Variants in LRRC37B observed in about 807,000 individuals in gnomAD.
LRRC37B encodes leucine-rich repeat-containing protein 37B.
Under a neutral mutation model 98.3 loss-of-function variants are expected in LRRC37B, and 28 were observed. That is an observed-to-expected ratio of 0.28 (90% CI 0.21 to 0.39). The LOEUF is 0.39. Ranked by LOEUF, LRRC37B falls within the 10% of genes least tolerant of loss-of-function variation. The probability of loss-of-function intolerance (pLI) is 1.00; values close to 1 mark genes in which losing one functional copy is unlikely to be tolerated. For missense variants in LRRC37B, 938 were observed against 1,182.7 expected (o/e 0.79, Z 3.03); for synonymous variants, 364 against 442.7 (o/e 0.82, Z 2.23).
rs199978808 is a variant in LRRC37B at position 32,021,319 on chromosome 17, A to C, written c.254A>C (p.Glu85Ala). Reference sequence around the variant, plus strand: ...TCCCGCTCCTCCCATCTCCCATGGGAATCTCCCCATGCACCTGCTCCCCCA... The same window carrying C: ...TCCCGCTCCTCCCATCTCCCATGGGCATCTCCCCATGCACCTGCTCCCCCA... The change falls in exon 1 of 12, where the codon GAA becomes GCA. Residue 85 changes from glutamate to alanine, a missense_variant. Physicochemically the swap from Glu to Ala is moderately radical, Grantham distance 107 (BLOSUM62 -1). Transcript: ENST00000327564. 2.9e-4 allele frequency: 476 copies of C among 1,613,738 alleles called. 1 individual carries two copies. The highest frequency in any genetic ancestry group is 3.4e-4 in the Non-Finnish European group (402 of 1,179,920).
intron 1 of LRRC37B, among the ~76,000 whole-genome samples, chr17:32,015,023 T>C (rs1383808810): frequency 6.6e-6 from 1 of 151,966 alleles, no homozygotes; most frequent in Non-Finnish European, 1.5e-5. Flanking sequence ...TCCCAGCTAC[T>C]TGGGAGTGAG....
upstream of LRRC37B, among the ~76,000 whole-genome samples, chr17:32,019,570 A>C (rs1350080733): frequency 3.3e-5 from 5 of 151,984 alleles, no homozygotes; most frequent in African/African-American, 1.2e-4. Context: ...CTATTTATGG[A>C]TTTTTTTTTA....
At chr17:32,023,525 C>A (rs1324192410) in intron 1 of LRRC37B, among the ~76,000 whole-genome samples, 3 of 152,168 alleles carry the variant, frequency 2.0e-5, no homozygotes, top group African/African-American at 7.2e-5. Context: ...GGGTTTGAAC[C>A]CAGGTCTGTT....
At chr17:32,017,585 A>G (rs902528691), upstream of LRRC37B, among the ~76,000 whole-genome samples, 2 of 152,164 alleles carry the variant, frequency 1.3e-5, no homozygotes, top group Non-Finnish European at 2.9e-5. Flanking sequence ...CAGAAGGATC[A>G]CTTCAAGCTA....
chr17:32,049,139 G>A, exon 10 of LRRC37B: 1 of 1,613,852 alleles, frequency 6.2e-7, no homozygotes, highest in Non-Finnish European at 8.5e-7. Flanking sequence ...AGCAGCTACG[G>A]TCCCTCATCC....
intron 5 of LRRC37B, among the ~76,000 whole-genome samples, chr17:32,032,220 T>TGG (rs1373092314): frequency 1.5e-4 from 22 of 150,288 alleles, no homozygotes; most frequent in Admixed American, 1.3e-4. Flanking sequence ...TGAGCCGAGA[T>TGG]TGTGCCACTG....
At chr17:32,008,729 GTGTT>G (rs1477842213) in intron 1 of LRRC37B, among the ~76,000 whole-genome samples, 2 of 152,206 alleles carry the variant, frequency 1.3e-5, no homozygotes, top group Admixed American at 1.3e-4. Context: ...CTGGTCCTGT[GTGTT>G]TGTTTTTATT....
exon 1 of LRRC37B, chr17:32,022,122 G>C: frequency 6.2e-7 from 1 of 1,613,906 alleles, no homozygotes; most frequent in Non-Finnish European, 8.5e-7. Context: ...TGAAGTGACA[G>C]TTCAACCTCC....
intron 7 of LRRC37B, chr17:32,039,950 T>A (rs1052382359): frequency 6.6e-6 from 1 of 152,152 alleles, no homozygotes; most frequent in African/African-American, 2.4e-5. Context: ...TCTCACTTAG[T>A]TCTCTAAGAT....
chr17:32,019,080 C>A (rs545966588), upstream of LRRC37B, among the ~76,000 whole-genome samples: 2 of 152,270 alleles, frequency 1.3e-5, no homozygotes, highest in South Asian at 2.1e-4. Flanking sequence ...GCACGCACCA[C>A]CATACTCAGC....
intron 7 of LRRC37B, chr17:32,039,883 T>C (rs1461241855): frequency 2.0e-5 from 3 of 152,090 alleles, no homozygotes. Flanking sequence ...CTACAGCATC[T>C]TCCCTGTAAG....
At chr17:32,027,905 A>C in intron 3 of LRRC37B, 65 bp downstream of exon 6, 1 of 1,015,064 alleles carries the variant, frequency 9.9e-7, no homozygotes, top group Non-Finnish European at 1.5e-6. Context: ...TAAGAGGTTC[A>C]AATTAGATAA....
intron 2 of LRRC37B, among the ~76,000 whole-genome samples, chr17:32,027,349 TTG>T (rs985580346): frequency 1.3e-5 from 2 of 150,062 alleles, no homozygotes; most frequent in East Asian, 2.0e-4. Context: ...GTGTGCTTGC[TTG>T]TGTGTGTGTG....
chr17:32,021,267 C>T, exon 1 of LRRC37B: 1 of 1,613,090 alleles, frequency 6.2e-7, no homozygotes, highest in Non-Finnish European at 8.5e-7. Flanking sequence ...GACCTCTAAC[C>T]CCCTGGGGCC....
chr17:32,049,744 G>A (rs1203197520), intron 10 of LRRC37B, among the ~76,000 whole-genome samples: 1 of 152,156 alleles, frequency 6.6e-6, no homozygotes, highest in Non-Finnish European at 1.5e-5. Flanking sequence ...ACACGTGCCT[G>A]TAGCCCCAGC....
upstream of LRRC37B, among the ~76,000 whole-genome samples, chr17:32,018,969 C>T (rs1270780686): frequency 3.9e-5 from 6 of 152,142 alleles, no homozygotes; most frequent in Non-Finnish European, 8.8e-5. Context: ...CTCTGTGGCC[C>T]AGGCTGGAGT....
chr17:32,040,547 T>C, intron 7 of LRRC37B: 2 of 747,566 alleles, frequency 2.7e-6, no homozygotes, highest in South Asian at 2.8e-5. Context: ...GAGATGGAGA[T>C]GTCATCAGCA....
exon 1 of LRRC37B, chr17:32,008,037 A>C (rs532830927): frequency 3.9e-6 from 2 of 518,646 alleles, no homozygotes; most frequent in Non-Finnish European, 7.4e-6. Context: ...GATGACATGG[A>C]GGAGGACGAC....
At chr17:32,007,650 CCGCTGCGGAG>C (rs1910439473), upstream of LRRC37B, among the ~76,000 whole-genome samples, 1 of 151,518 alleles carries the variant, frequency 6.6e-6, no homozygotes, top group Non-Finnish European at 1.5e-5. This position sits in a 1 kb window ranked among gnomAD's most constrained non-coding sequence, Gnocchi z 4.1. Flanking sequence ...CCCGCGGCTC[CCGCTGCGGAG>C]CGCTGCGCCC....
Sources: gnomAD v4.1 joint callset for allele counts (sites outside exome capture counted in the v4.1 genomes callset) on GRCh38, gnomAD v4.1.1 for gene constraint, Gnocchi (gnomAD v3.1) non-coding constraint, MANE v1.5 for transcripts, NCBI Gene and HGNC (gene_info 2026-07-23, HGNC 2026-07-21) for gene names.